Variants in HECW1 observed in about 807,000 individuals in gnomAD.
HECW1 encodes the protein HECT, C2 and WW domain containing E3 ubiquitin protein ligase 1, also known as E3 ubiquitin-protein ligase HECW1.
HECW1 carries 61 observed loss-of-function variants against 182.3 expected under a neutral mutation model. The observed-to-expected ratio is 0.33, with a 90% CI of 0.27 to 0.41. The LOEUF (loss-of-function observed/expected upper bound fraction) is 0.41. HECW1 is among the 10% of genes least tolerant of loss of function. HECW1 has a pLI of 1.00. For missense variants in HECW1, 1,739 were observed against 2,108.9 expected, an observed-to-expected ratio of 0.82 and a Z score of 3.44; for synonymous variants, 859 against 832.6, an observed-to-expected ratio of 1.03 and a Z score of -0.55.
At chr7:43,277,960 A>G (rs1272991418) in intron 3 of HECW1, among the ~76,000 whole-genome samples, 1 of 148,666 alleles carries the variant, frequency 6.7e-6, no homozygotes, top group Non-Finnish European at 1.5e-5. Flanking sequence ...TCTTTCCCTG[A>G]CTCCCCCAGA....
intron 2 of HECW1, among the ~76,000 whole-genome samples, chr7:43,156,013 AT>A (rs1789842816): frequency 6.6e-6 from 1 of 152,244 alleles, no homozygotes; most frequent in South Asian, 2.1e-4. Flanking sequence ...AGTGACAGTA[AT>A]AAAGGAAGAA....
At position 43,541,267 on chromosome 7, in the gene HECW1, T is replaced by C. The variant is rs773912709; in HGVS notation, c.4118+6T>C. 2 of 1,608,524 alleles carry C rather than the reference T, an allele frequency of 1.2e-6. No homozygotes were observed. The highest frequency in any genetic ancestry group is 1.1e-5 in the South Asian group (1 of 90,960). ...TACAAGGCACTCCTGAGACTGTAAG[T>C]GCTTTGCAGACCATGCTTCCAACCC... On this transcript the variant is annotated splice_donor_region_variant and intron_variant, in intron 25 of 29. Coordinates refer to ENST00000395891, the MANE Select transcript of HECW1 (RefSeq NM_015052.5).
chr7:43,318,624 A>G (rs1292320986), intron 4 of HECW1, among the ~76,000 whole-genome samples: 1 of 152,248 alleles, frequency 6.6e-6, no homozygotes, highest in Non-Finnish European at 1.5e-5. Flanking sequence ...AGACTATAGA[A>G]GTGACACTAT....
rs569683485 is a variant in HECW1 at position 43,563,913 on chromosome 7, A to G, written c.*1987A>G. On this transcript the variant is annotated 3_prime_UTR_variant, in exon 30 of 30. Coordinates refer to ENST00000395891, the MANE Select transcript of HECW1 (RefSeq NM_015052.5). ...TAAAAGCATTTTTTTAGTAGGAATT[A>G]TCTACAATGCCCAGCACCCCTTGCA... 153 of 185,080 alleles carry G rather than the reference A, an allele frequency of 8.3e-4. 1 individual carries two copies. The highest frequency in any genetic ancestry group is 3.3e-3 in the African/African-American group (139 of 42,712). The allele number at this position is 185,080 out of a possible 1,614,324, so 11.5% of individuals were successfully genotyped here.
At chr7:43,217,766 G>A (rs896556312) in intron 2 of HECW1, among the ~76,000 whole-genome samples, 6 of 152,316 alleles carry the variant, frequency 3.9e-5, no homozygotes, top group African/African-American at 1.4e-4. Context: ...ATGGTTTGGA[G>A]GACTTCAAAG....
At chr7:43,168,833 T>A (rs929908680) in intron 2 of HECW1, among the ~76,000 whole-genome samples, 2 of 152,198 alleles carry the variant, frequency 1.3e-5, no homozygotes, top group African/African-American at 4.8e-5. Flanking sequence ...GCACTATGCA[T>A]GTTAAAACAC....
rs938056997 is a variant in HECW1, at chr7:43,445,241, C to G, written c.2069C>G (p.Thr690Arg). The change falls in exon 11 of 30, where the codon ACG becomes AGG. Residue 690 changes from threonine (T) to arginine (R), a missense_variant. Physicochemically the swap from Thr to Arg is moderately conservative, Grantham distance 71. Around this residue, in one of 5 missense-constraint regions of HECW1, gnomAD observed 971 missense variants for 1,029.1 expected, o/e 0.94. Coordinates refer to ENST00000395891, the MANE Select transcript of HECW1 (RefSeq NM_015052.5). ...PSCYSSSCYS[T>R]SCYSSSCYSA... ...TGCTACAGCTCCTCGTGCTACAGCA[C>G]GTCCTGCTACAGCAGCTCGTGCTAC... 1 of 1,613,214 alleles carries G rather than the reference C, an allele frequency of 6.2e-7. No homozygotes were observed. Among genetic ancestry groups the G allele is most frequent in the Non-Finnish European group, 8.5e-7 (1 of 1,179,636 alleles).
intron 3 of HECW1, among the ~76,000 whole-genome samples, chr7:43,266,564 G>A (rs1801826346): frequency 2.0e-5 from 3 of 152,092 alleles, no homozygotes; most frequent in African/African-American, 2.4e-5. Flanking sequence ...TTGAACTCCC[G>A]ACCTCATGAT....
At chr7:43,560,529 G>A (rs957487397) in intron 29 of HECW1, among the ~76,000 whole-genome samples, 1 of 151,966 alleles carries the variant, frequency 6.6e-6, no homozygotes, top group South Asian at 2.1e-4. Flanking sequence ...CTGGGCAGAT[G>A]AAAACACCAG....
intron 2 of HECW1, among the ~76,000 whole-genome samples, chr7:43,210,042 A>C (rs1795862819): frequency 6.6e-6 from 1 of 152,116 alleles, no homozygotes; most frequent in African/African-American, 2.4e-5. Context: ...CTTAAAATCT[A>C]CTGCTCTTGA....
chr7:43,407,573 A>G lies in HECW1; in HGVS notation c.643A>G (p.Met215Val). The G allele has an allele frequency of 6.2e-7, 1 of 1,611,808 alleles. No individual in the cohort carries two copies. Among genetic ancestry groups the G allele is most frequent in the Non-Finnish European group, 8.5e-7 (1 of 1,178,478 alleles). ...ISFSLSDFQA[M>V]GLKKGMFFNP... is the part of the protein sequence containing the mutation. ...CCTTTATTTTATAGATTTCCAAGCC[A>G]TGGGGTTGAAGAAAGGGATGTTTTT... Residue 215 changes from methionine to valine, a missense_variant, in exon 8 of 30, where the codon ATG becomes GTG. Physicochemically the swap from Met to Val is conservative, Grantham distance 21. This residue lies in a region of HECW1 where 279 missense variants were observed against 353.1 expected (regional missense o/e 0.79). Coordinates refer to ENST00000395891, the MANE Select transcript of HECW1 (RefSeq NM_015052.5).
At position 43,432,192 on chromosome 7, in the gene HECW1, T is replaced by C. The variant is rs1466639259; in HGVS notation, c.802-5811T>C. On this transcript the variant is annotated intron_variant, in intron 8 of 29. Coordinates refer to ENST00000395891, the MANE Select transcript of HECW1 (RefSeq NM_015052.5). This position sits in a 1 kb window ranked among gnomAD's most constrained non-coding sequence, Gnocchi z 4.1. ...TCTCGCTCTGTCGCCCGGGCTGGAG[T>C]GCAGTGGCGGGATCTCGGCTCACTG... is the stretch of plus-strand genomic sequence containing the variant. 2.0e-5 allele frequency among the ~76,000 whole-genome samples: 3 copies of C among 147,792 alleles called. No individual in the cohort carries two copies. Among genetic ancestry groups the C allele is most frequent in the Non-Finnish European group, 4.5e-5 (3 of 67,408 alleles).
At chr7:43,180,745 G>A (rs972454276) in intron 2 of HECW1, among the ~76,000 whole-genome samples, 1 of 152,186 alleles carries the variant, frequency 6.6e-6, no homozygotes, top group Non-Finnish European at 1.5e-5. Context: ...TGTTTATGAA[G>A]TACAATGTGA....
rs550323269 is a variant in HECW1, at chr7:43,455,587, G to A, written c.2501-710G>A. 1.1e-4 allele frequency among the ~76,000 whole-genome samples: 16 copies of A among 152,332 alleles called. No homozygotes were observed. In the South Asian group the frequency reaches 2.5e-3, roughly 24 times the overall value. On this transcript the variant is annotated intron_variant, in intron 12 of 29. Transcript: ENST00000395891. ...GATACCCCAATCTTCCACAGCTGTCGTTTGAGTAGCCAACAAGAGTGACAG... is the reference window on the plus strand; with the variant it reads ...GATACCCCAATCTTCCACAGCTGTCATTTGAGTAGCCAACAAGAGTGACAG...
At chr7:43,249,817 A>G (rs1024326906) in intron 3 of HECW1, among the ~76,000 whole-genome samples, 24 of 152,060 alleles carry the variant, frequency 1.6e-4, no homozygotes, top group African/African-American at 5.8e-4. Context: ...AGAGCTCAAA[A>G]TTTTCCTTTT....
chr7:43,561,000 CAAAG>C (rs1168234825), intron 29 of HECW1, among the ~76,000 whole-genome samples: 2 of 152,226 alleles, frequency 1.3e-5, no homozygotes, highest in African/African-American at 2.4e-5. Context: ...TCTGTAAAAA[CAAAG>C]AACTTCTGGC....
At chr7:43,276,507 A>G (rs1803171311) in intron 3 of HECW1, among the ~76,000 whole-genome samples, 1 of 152,252 alleles carries the variant, frequency 6.6e-6, no homozygotes, top group Admixed American at 6.5e-5. Flanking sequence ...AATTCACATT[A>G]CAATTACTTT....
intron 6 of HECW1, among the ~76,000 whole-genome samples, chr7:43,376,156 G>T (rs1187176999): frequency 6.6e-6 from 1 of 151,838 alleles, no homozygotes; most frequent in East Asian, 1.9e-4. Flanking sequence ...TGAAACACTA[G>T]AGGTTTTTAG....
In HECW1 at chr7:43,565,296, G is replaced by A. The variant is rs2082302690; in HGVS notation, c.*3370G>A. The A allele has an allele frequency of 4.8e-6, 1 of 207,118 alleles. No homozygotes were observed. Among genetic ancestry groups the A allele is most frequent in the South Asian group, 1.9e-4 (1 of 5,318 alleles). The allele number at this position is 207,118 out of a possible 1,614,324, so 12.8% of individuals were successfully genotyped here. ...AGAGACATATGATTTGGGGGAGCAG[G>A]CGTTAAACATGCAAGATCTAAATTT... is the stretch of plus-strand genomic sequence containing the variant. On this transcript the variant is annotated 3_prime_UTR_variant, in exon 30 of 30. Transcript: ENST00000395891.
Sources: gnomAD v4.1 joint callset for allele counts (sites outside exome capture counted in the v4.1 genomes callset) on GRCh38, gnomAD v4.1.1 for gene constraint, gnomAD v4.1.1 regional missense constraint, Gnocchi (gnomAD v3.1) non-coding constraint, MANE v1.5 for transcripts, NCBI Gene and HGNC (gene_info 2026-07-23, HGNC 2026-07-21) for gene names.